RPS6KC1: variants seen among roughly 807,000 people sequenced by gnomAD.
RPS6KC1 encodes ribosomal protein S6 kinase C1, also known as inactive ribosomal protein S6 kinase delta-1.
Under a neutral mutation model 103.8 loss-of-function variants are expected in RPS6KC1, and 54 were observed. That is an observed-to-expected ratio of 0.52 (90% confidence interval 0.42 to 0.65). RPS6KC1 has a LOEUF of 0.65. Ranked by LOEUF, RPS6KC1 falls within the 30% of genes least tolerant of loss-of-function variation. The pLI is 0.00. For missense variants in RPS6KC1, 1,151 were observed against 1,253.8 expected (o/e 0.92, Z 1.24); for synonymous variants, 439 against 438.7 (o/e 1.00, Z -0.01).
chr1:213,288,023 C>T, the RPS6KC1 span, among the ~76,000 whole-genome samples: 8 of 152,170 alleles, frequency 5.3e-5, no homozygotes, highest in East Asian at 1.9e-4. Context: ...CTATTCTCTC[C>T]GCACTAGGCA....
intron 4 of RPS6KC1, among the ~76,000 whole-genome samples, 183 bp from the exon 5 acceptor site, chr1:213,117,134 G>A (rs539513666): frequency 6.6e-6 from 1 of 152,022 alleles, no homozygotes; most frequent in Admixed American, 6.6e-5. Flanking sequence ...GGTGTAGTAC[G>A]TTTGTTACAG....
chr1:213,712,516 G>T, the RPS6KC1 span, among the ~76,000 whole-genome samples: 2 of 152,216 alleles, frequency 1.3e-5, no homozygotes, highest in African/African-American at 2.4e-5. Context: ...CTTTCCAGGG[G>T]AGTCAACGGT....
the RPS6KC1 span, among the ~76,000 whole-genome samples, chr1:213,496,315 T>G: frequency 6.6e-6 from 1 of 152,206 alleles, no homozygotes; most frequent in African/African-American, 2.4e-5. Context: ...AAATGTGCTT[T>G]GCAAGAGACA....
chr1:213,495,554 C>T, the RPS6KC1 span, among the ~76,000 whole-genome samples: 2,007 of 152,252 alleles, frequency 0.013, 25 homozygotes, highest in South Asian at 0.023. Flanking sequence ...ACTCCTGACT[C>T]AGGTGATCTG....
the RPS6KC1 span, among the ~76,000 whole-genome samples, chr1:213,689,049 G>T: frequency 3.3e-5 from 5 of 152,340 alleles, no homozygotes; most frequent in African/African-American, 1.2e-4. Flanking sequence ...AATCCAAGTA[G>T]TGTAATTCAC....
At chr1:213,299,570 A>T in the RPS6KC1 span, among the ~76,000 whole-genome samples, 14 of 151,186 alleles carry the variant, frequency 9.3e-5, no homozygotes, top group African/African-American at 3.4e-4. Context: ...AAAAAAAAAA[A>T]ATATGTCGTG....
chr1:213,818,979 C>A, the RPS6KC1 span: 1 of 152,174 alleles, frequency 6.6e-6, no homozygotes, highest in Non-Finnish European at 1.5e-5. Context: ...TACAGGCCTG[C>A]GGTGGCTGGT....
At chr1:213,232,814 G>A (rs2094135819) in intron 10 of RPS6KC1, among the ~76,000 whole-genome samples, 1 of 152,092 alleles carries the variant, frequency 6.6e-6, no homozygotes, top group Admixed American at 6.5e-5. Flanking sequence ...GCTCTTTGTA[G>A]AGGGAACAGG....
the RPS6KC1 span, among the ~76,000 whole-genome samples, chr1:213,396,064 G>T: frequency 1.3e-5 from 2 of 152,202 alleles, no homozygotes; most frequent in Admixed American, 1.3e-4. Flanking sequence ...GAAGAGTCAG[G>T]CTTAGGGGAG....
chr1:213,736,516 T>C, the RPS6KC1 span, among the ~76,000 whole-genome samples: 2 of 151,976 alleles, frequency 1.3e-5, no homozygotes, highest in African/African-American at 4.8e-5. Context: ...TAACATAGAG[T>C]CTTCATAACC....
the RPS6KC1 span, among the ~76,000 whole-genome samples, chr1:213,449,481 G>T: frequency 6.6e-6 from 1 of 152,096 alleles, no homozygotes; most frequent in African/African-American, 2.4e-5. Flanking sequence ...TTCTCTCTCT[G>T]TGTGCTCCTA....
the RPS6KC1 span, among the ~76,000 whole-genome samples, chr1:213,559,433 A>G: frequency 6.6e-6 from 1 of 152,270 alleles, no homozygotes; most frequent in African/African-American, 2.4e-5. Context: ...CACAGCATTT[A>G]AGTGCATACA....
chr1:213,404,706 A>T, the RPS6KC1 span, among the ~76,000 whole-genome samples: 2 of 152,200 alleles, frequency 1.3e-5, no homozygotes, highest in African/African-American at 2.4e-5. Flanking sequence ...ATTTCAAGGG[A>T]TTTAAAGGTA....
the RPS6KC1 span, among the ~76,000 whole-genome samples, chr1:213,641,154 C>G: frequency 8.7e-6 from 1 of 115,560 alleles, no homozygotes; most frequent in Admixed American, 8.1e-5. Context: ...CTGATTCTTA[C>G]TCTTTTACCA....
intron 8 of RPS6KC1, among the ~76,000 whole-genome samples, chr1:213,200,331 C>T (rs1458940888): frequency 6.6e-6 from 1 of 151,976 alleles, no homozygotes; most frequent in Non-Finnish European, 1.5e-5. Context: ...AATAAGACTG[C>T]ATACCCACAA....
the RPS6KC1 span, among the ~76,000 whole-genome samples, chr1:213,290,006 T>G: frequency 2.0e-5 from 3 of 151,830 alleles, no homozygotes; most frequent in African/African-American, 7.3e-5. Context: ...ACCATTGCAC[T>G]CCAGCCTGGG....
the RPS6KC1 span, among the ~76,000 whole-genome samples, chr1:213,725,930 T>TA: frequency 6.6e-6 from 1 of 152,342 alleles, no homozygotes; most frequent in Admixed American, 6.5e-5. Flanking sequence ...TTTATTGTGT[T>TA]ACAATTTTAA....
chr1:213,058,891 A>G (rs1329309733), intron 1 of RPS6KC1, among the ~76,000 whole-genome samples: 4 of 152,232 alleles, frequency 2.6e-5, no homozygotes. Context: ...CTATGAACAC[A>G]GTATGTCTTG....
chr1:213,520,726 T>C, the RPS6KC1 span, among the ~76,000 whole-genome samples: 5 of 152,208 alleles, frequency 3.3e-5, no homozygotes, highest in African/African-American at 1.2e-4. Flanking sequence ...TGATTTAGAA[T>C]GGTTGTCTAC....
Sources: allele counts gnomAD v4.1 joint callset (sites outside exome capture counted in the v4.1 genomes callset), GRCh38; gene constraint gnomAD v4.1.1; transcripts MANE v1.5; gene names NCBI Gene and HGNC (gene_info 2026-07-23, HGNC 2026-07-21).